STK32B: variants seen among roughly 807,000 people sequenced by gnomAD.
The protein encoded by STK32B is serine/threonine kinase 32B, also known as serine/threonine-protein kinase 32B.
STK32B carries 43 observed loss-of-function variants against 52.6 expected under a neutral mutation model. That is an observed-to-expected ratio of 0.82 (90% confidence interval 0.64 to 1.05). The LOEUF (loss-of-function observed/expected upper bound fraction) is 1.05. STK32B is among the 50% of genes least tolerant of loss of function. The probability of loss-of-function intolerance (pLI) is 0.00; values close to 1 mark genes in which losing one functional copy is unlikely to be tolerated. For missense variants in STK32B, 621 were observed against 534.6 expected (o/e 1.16, Z -1.59); for synonymous variants, 238 against 204.3 (o/e 1.17, Z -1.41).
At chr4:5,373,494 T>G (rs565191689) in intron 4 of STK32B, among the ~76,000 whole-genome samples, 1 of 152,332 alleles carries the variant, frequency 6.6e-6, no homozygotes, top group African/African-American at 2.4e-5. Context: ...AGATCAGACC[T>G]TTTGTTCTAG....
intron 1 of STK32B, among the ~76,000 whole-genome samples, chr4:5,071,155 T>C (rs7660510): frequency 0.028 from 4,194 of 152,188 alleles, 172 homozygotes; most frequent in African/African-American, 0.096. Context: ...TGGGGAGTGA[T>C]GTGACCAGGT....
intron 1 of STK32B, among the ~76,000 whole-genome samples, chr4:5,110,835 A>G (rs1324923517): frequency 6.6e-6 from 1 of 152,114 alleles, no homozygotes; most frequent in East Asian, 1.9e-4. Context: ...AGCCTACAGA[A>G]TGGGAGAAAA....
Position 5,456,675 on chromosome 4 carries a change from G to A in STK32B, c.667-132G>A, listed in dbSNP as rs566926955. ...TTGGGTTCGGGCCACCTGCTCTGCC[G>A]TGAAAGAGAAGCACCCACTGTTACT... On this transcript the variant is annotated intron_variant, in intron 7 of 11. Transcript: ENST00000282908. 70 of 844,346 alleles carry A rather than the reference G, an allele frequency of 8.3e-5. 1 individual carries two copies. Among genetic ancestry groups the A allele is most frequent in the African/African-American group, 4.6e-4 (27 of 58,216 alleles). 52.3% of individuals were successfully genotyped at this position (844,346 alleles called of 1,614,324 possible).
intron 6 of STK32B, among the ~76,000 whole-genome samples, chr4:5,442,739 G>A (rs567516808): frequency 6.6e-6 from 1 of 152,298 alleles, no homozygotes; most frequent in South Asian, 2.1e-4. Context: ...GCAGTGGCTG[G>A]TACCGGTTGT....
chr4:5,332,306 G>A (rs779498613), intron 4 of STK32B, among the ~76,000 whole-genome samples: 2 of 152,068 alleles, frequency 1.3e-5, no homozygotes, highest in Non-Finnish European at 1.5e-5. Flanking sequence ...TAGAGTGATC[G>A]ATGACTTAGG....
rs79850285 is a variant in STK32B at position 5,144,840 on chromosome 4, C to T, written c.108+4880C>T. Among the ~76,000 whole-genome samples, 13 of 152,164 alleles carry T rather than the reference C, an allele frequency of 8.5e-5. No homozygotes were observed. The East Asian group carries it at 1.5e-3, about 18-fold the overall frequency. ...TCCATCCATCCATCCATCCAACATA[C>T]GGAGGACCAATTTGCTCTGGGCCCT... On this transcript the variant is annotated intron_variant, in intron 2 of 11. Transcript: ENST00000282908.
At chr4:5,238,752 C>G (rs1002765744) in intron 3 of STK32B, among the ~76,000 whole-genome samples, 4 of 152,190 alleles carry the variant, frequency 2.6e-5, no homozygotes, top group African/African-American at 9.6e-5. Flanking sequence ...TTCATTCATT[C>G]CTTCACTCAC....
intron 3 of STK32B, among the ~76,000 whole-genome samples, chr4:5,321,205 G>A (rs555446551): frequency 9.2e-5 from 14 of 152,152 alleles, no homozygotes; most frequent in African/African-American, 2.9e-4. Context: ...CAAAGTGTTG[G>A]AAGATTAAGT....
intron 7 of STK32B, among the ~76,000 whole-genome samples, chr4:5,451,872 C>A (rs1323776967): frequency 6.6e-6 from 1 of 152,186 alleles, no homozygotes; most frequent in Non-Finnish European, 1.5e-5. Flanking sequence ...CAGGTGAGGC[C>A]ATTAGCACAA....
At chr4:5,403,390 C>T (rs1442549411) in intron 5 of STK32B, among the ~76,000 whole-genome samples, 4 of 152,272 alleles carry the variant, frequency 2.6e-5, no homozygotes, top group East Asian at 3.9e-4. Flanking sequence ...CCATTCCTTC[C>T]CATGGAAACC....
chr4:5,071,948 A>G (rs898703721), intron 1 of STK32B, among the ~76,000 whole-genome samples: 4 of 152,198 alleles, frequency 2.6e-5, no homozygotes, highest in African/African-American at 9.6e-5. Flanking sequence ...AGATCAGGCC[A>G]TGGCATGCAG....
intron 1 of STK32B, among the ~76,000 whole-genome samples, chr4:5,120,607 T>G (rs190558840): frequency 6.4e-4 from 98 of 152,290 alleles, no homozygotes; most frequent in African/African-American, 2.3e-3. Flanking sequence ...GGAATGTATC[T>G]CCCTTGGATA....
chr4:5,425,254 G>GCATTTTGCTTTTGAC (rs1712994644), intron 6 of STK32B, among the ~76,000 whole-genome samples: 2 of 152,182 alleles, frequency 1.3e-5, no homozygotes, highest in African/African-American at 4.8e-5. Flanking sequence ...AGGTGAAGGT[G>GCATTTTGCTTTTGAC]CCACCAGCCA....
intron 6 of STK32B, among the ~76,000 whole-genome samples, chr4:5,440,542 A>T (rs1025560484): frequency 6.6e-6 from 1 of 152,216 alleles, no homozygotes; most frequent in Non-Finnish European, 1.5e-5. Context: ...CAATCATGTC[A>T]TCTGCAAACA....
intron 4 of STK32B, among the ~76,000 whole-genome samples, chr4:5,369,651 T>C (rs564776700): frequency 1.2e-4 from 19 of 152,292 alleles, no homozygotes; most frequent in Admixed American, 9.8e-4. Context: ...TGCTTGTTTC[T>C]GCTCTACCCT....
chr4:5,334,557 T>A (rs1256559372), intron 4 of STK32B, among the ~76,000 whole-genome samples: 1 of 152,210 alleles, frequency 6.6e-6, no homozygotes, highest in African/African-American at 2.4e-5. Context: ...CTTGTGCCAG[T>A]TTTCAAAGGG....
In STK32B at chr4:5,186,774, G is replaced by A. The variant is rs535738160; in HGVS notation, c.260+18324G>A. Among the ~76,000 whole-genome samples, 8 of 152,296 alleles carry A rather than the reference G, an allele frequency of 5.3e-5. No individual in the cohort carries two copies. The South Asian group carries it at 6.2e-4, about 12-fold the overall frequency. On this transcript the variant is annotated intron_variant, in intron 3 of 11. Coordinates refer to ENST00000282908, the MANE Select transcript of STK32B (RefSeq NM_018401.3). Reference sequence around the variant, plus strand: ...CATAAATAGAGGGTTAAGAGGCGAGGCTCTCCTATCTAGAGTCCCTCTCTC... The same window carrying A: ...CATAAATAGAGGGTTAAGAGGCGAGACTCTCCTATCTAGAGTCCCTCTCTC...
At chr4:5,403,488 C>A (rs911334567) in intron 5 of STK32B, among the ~76,000 whole-genome samples, 10 of 152,208 alleles carry the variant, frequency 6.6e-5, no homozygotes, top group Admixed American at 2.6e-4. Context: ...CATGACATAG[C>A]CTGCGCCCTA....
intron 3 of STK32B, among the ~76,000 whole-genome samples, chr4:5,206,858 C>A (rs981134478): frequency 1.3e-5 from 2 of 152,212 alleles, no homozygotes; most frequent in Non-Finnish European, 1.5e-5. Context: ...CATCTTCTCT[C>A]CTACTTATGC....
Sources: allele counts gnomAD v4.1 joint callset (sites outside exome capture counted in the v4.1 genomes callset), GRCh38; gene constraint gnomAD v4.1.1; transcripts MANE v1.5; gene names NCBI Gene and HGNC (gene_info 2026-07-23, HGNC 2026-07-21).